Variants in AHNAK observed in about 807,000 individuals in gnomAD.
The protein encoded by AHNAK is neuroblast differentiation-associated protein AHNAK.
A neutral mutation model predicts 37.8 loss-of-function variants in AHNAK; 23 were observed. That is an observed-to-expected ratio of 0.61 (90% CI 0.44 to 0.86). The LOEUF (loss-of-function observed/expected upper bound fraction) is 0.86. Among genes scored for constraint, AHNAK ranks in the 40% least tolerant of loss-of-function variants. The probability of loss-of-function intolerance (pLI) is 0.00; values close to 1 mark genes in which losing one functional copy is unlikely to be tolerated. For synonymous variants in AHNAK, 2,481 were observed against 2,636.3 expected (o/e 0.94, Z 1.80); for missense variants, 7,411 against 7,319.4 (o/e 1.01, Z -0.46).
At chr11:62,436,950 A>C (rs1245933029) in intron 5 of AHNAK, among the ~76,000 whole-genome samples, 1 of 149,632 alleles carries the variant, frequency 6.7e-6, no homozygotes, top group East Asian at 1.9e-4. Context: ...AAAAAAAAAA[A>C]AGAAGTATAA....
At chr11:62,483,149 A>T (rs1939310422) in intron 5 of AHNAK, among the ~76,000 whole-genome samples, 1 of 151,998 alleles carries the variant, frequency 6.6e-6, no homozygotes, top group Non-Finnish European at 1.5e-5. Context: ...GTGACAGAAG[A>T]CCCCGAAGGC....
intron 5 of AHNAK, among the ~76,000 whole-genome samples, chr11:62,451,480 G>C (rs1590591496): frequency 6.6e-6 from 1 of 152,070 alleles, no homozygotes; most frequent in East Asian, 1.9e-4. Context: ...GCTCATGTCT[G>C]TAATCCCAGC....
At chr11:62,513,262 C>T (rs1168581479), downstream of AHNAK, among the ~76,000 whole-genome samples, 2 of 152,186 alleles carry the variant, frequency 1.3e-5, no homozygotes, top group Non-Finnish European at 2.9e-5. Flanking sequence ...ATAGGCCGGG[C>T]GCCATGGCTC....
chr11:62,531,063 T>G lies in AHNAK; in HGVS notation c.3354A>C (p.Gln1118His), dbSNP rs777121562. 1 of 1,613,464 alleles carries G rather than the reference T, an allele frequency of 6.2e-7. No homozygotes were observed. Residue 1118 changes from glutamine (Q) to histidine (H), a missense_variant, in exon 5 of 5, where the codon CAA (glutamine) becomes CAC (histidine). Gln to His is a conservative substitution (Grantham distance 24, BLOSUM62 0). Transcript: ENST00000378024. Reference sequence around the variant, plus strand: ...GTATTTTCAGGCTCCAGTCCAGGCCTTGGCCTTCCACATCTGGTGCTTTAA... The same window carrying G: ...GTATTTTCAGGCTCCAGTCCAGGCCGTGGCCTTCCACATCTGGTGCTTTAA... ...VDIKAPDVEG[Q>H]GLDWSLKIPK...
chr11:62,515,739 G>A (rs1939998682), downstream of AHNAK, among the ~76,000 whole-genome samples: 1 of 152,182 alleles, frequency 6.6e-6, no homozygotes, highest in Non-Finnish European at 1.5e-5. Flanking sequence ...TGAGAATCAA[G>A]AAGCAAAGAT....
chr11:62,490,192 T>C (rs1939478621), intron 5 of AHNAK, among the ~76,000 whole-genome samples: 1 of 149,164 alleles, frequency 6.7e-6, no homozygotes, highest in Non-Finnish European at 1.5e-5. Context: ...CTTTCTTTTC[T>C]TTTTCTTTTT....
chr11:62,535,837 G>C (rs1311234857), intron 3 of AHNAK, 108 bp downstream of exon 3: 1 of 1,406,296 alleles, frequency 7.1e-7, no homozygotes, highest in African/African-American at 1.4e-5. Flanking sequence ...CTGGGAATGG[G>C]CCCTCGACAG....
chr11:62,515,553 T>G (rs1939993784), downstream of AHNAK, among the ~76,000 whole-genome samples: 1 of 152,202 alleles, frequency 6.6e-6, no homozygotes, highest in Non-Finnish European at 1.5e-5. Context: ...AGAGCGGTGA[T>G]TCACAAGCAG....
In AHNAK at chr11:62,516,047, G is replaced by A. The variant is rs765042277; in HGVS notation, c.*697C>T. The A allele has an allele frequency of 5.6e-5, 66 of 1,188,170 alleles. No individual in the cohort carries two copies. Among genetic ancestry groups the A allele is most frequent in the Non-Finnish European group, 6.2e-5 (58 of 939,916 alleles). 73.6% of individuals were successfully genotyped at this position (1,188,170 alleles called of 1,614,324 possible). On this transcript the variant is annotated 3_prime_UTR_variant, in exon 5 of 5. Transcript: ENST00000378024. ...TCAGAACTAATATCAGGAACATGGC[G>A]GCATGAAGGAAACAGTTCCCTTACA...
chr11:62,505,402 C>T (rs1939792325), intron 4 of AHNAK, among the ~76,000 whole-genome samples: 1 of 152,124 alleles, frequency 6.6e-6, no homozygotes, highest in South Asian at 2.1e-4. Flanking sequence ...GGTCTCATGC[C>T]CTTGATTCTG....
chr11:62,483,857 T>A (rs1250103748), intron 5 of AHNAK, among the ~76,000 whole-genome samples: 1 of 111,456 alleles, frequency 9.0e-6, no homozygotes, highest in African/African-American at 3.5e-5. Flanking sequence ...AGACTCCATC[T>A]CAAAAAAAAA....
chr11:62,531,551 T>C lies in AHNAK; in HGVS notation c.2866A>G (p.Lys956Glu), dbSNP rs763937318. The stretch of plus-strand genomic sequence containing the variant: ...TATTCTCCCTTTACTTTAGGACCTT[T>C]CATATGCAAGTCCACATCAGGCATG... ...ISMPDVDLHMKGPKVKGEYDM... is the reference protein window; with the variant it reads ...ISMPDVDLHMEGPKVKGEYDM... The change falls in exon 5 of 5, where the codon AAA becomes GAA. Residue 956 changes from lysine to glutamate, a missense_variant. By Grantham distance (56) the Lys-to-Glu change is moderately conservative. Transcript: ENST00000378024. 2 of 1,614,210 alleles carry C rather than the reference T, an allele frequency of 1.2e-6. No individual in the cohort carries two copies. The highest frequency in any genetic ancestry group is 1.1e-5 in the South Asian group (1 of 91,086).
At chr11:62,462,868 C>T (rs1590601787) in intron 5 of AHNAK, among the ~76,000 whole-genome samples, 1 of 152,152 alleles carries the variant, frequency 6.6e-6, no homozygotes, top group South Asian at 2.1e-4. Context: ...CGGTGGCTCA[C>T]GCCTATGATC....
chr11:62,467,807 TA>T (rs1337749778), intron 5 of AHNAK, among the ~76,000 whole-genome samples: 1 of 152,218 alleles, frequency 6.6e-6, no homozygotes, highest in African/African-American at 2.4e-5. Flanking sequence ...AACACCCTAC[TA>T]AAACTTTCAG....
In AHNAK at chr11:62,438,372, AG is replaced by A. The variant is rs1938225704; in HGVS notation, c.443-4482del. 2.0e-5 allele frequency among the ~76,000 whole-genome samples: 3 copies of A among 151,904 alleles called. 1 individual carries two copies. Among genetic ancestry groups the A allele is most frequent in the African/African-American group, 7.2e-5 (3 of 41,420 alleles). On this transcript the variant is annotated intron_variant, in intron 5 of 5. Coordinates refer to the AHNAK transcript ENST00000257247. Reference sequence around the variant, plus strand: ...TAATTTTTGTATTTTTAGTAGAGACAGGGTTTCACCGTGTTTATCAGGCTGG... The same window carrying A: ...TAATTTTTGTATTTTTAGTAGAGACAGGTTTCACCGTGTTTATCAGGCTGG...
intron 4 of AHNAK, among the ~76,000 whole-genome samples, chr11:62,510,814 C>T (rs1328606538): frequency 6.6e-6 from 1 of 150,706 alleles, no homozygotes; most frequent in Non-Finnish European, 1.5e-5. Context: ...TTAAAGCAAA[C>T]AAAGTAAATG....
downstream of AHNAK, chr11:62,515,874 G>A (rs1047364447): frequency 1.6e-5 from 18 of 1,106,982 alleles, no homozygotes; most frequent in African/African-American, 1.1e-4. Context: ...TCACGCCCCC[G>A]CAACACAGAA....
chr11:62,534,145 C>T, intron 4 of AHNAK, 71 bp from the exon 5 acceptor site: 3 of 1,447,634 alleles, frequency 2.1e-6, no homozygotes, highest in African/African-American at 1.4e-5. Flanking sequence ...GGCCACAGCC[C>T]AGCCGACAAC....
chr11:62,464,771 C>T (rs754252412), intron 5 of AHNAK, among the ~76,000 whole-genome samples: 9 of 152,104 alleles, frequency 5.9e-5, no homozygotes, highest in Non-Finnish European at 1.2e-4. Flanking sequence ...GTCGAGGCTA[C>T]AGTGAGCTGT....
Sources: allele counts gnomAD v4.1 joint callset (sites outside exome capture counted in the v4.1 genomes callset), GRCh38; gene constraint gnomAD v4.1.1; transcripts MANE v1.5; gene names NCBI Gene and HGNC (gene_info 2026-07-23, HGNC 2026-07-21).